The following KLF12 variants were observed in gnomAD, a reference collection of about 807,000 sequenced individuals.
The protein encoded by KLF12 is Krueppel-like factor 12.
In KLF12, 9 loss-of-function variants were observed where a neutral mutation model predicts 37.8. The ratio of observed to expected loss-of-function variants is 0.24; its 90% CI spans 0.14 to 0.42. The LOEUF (loss-of-function observed/expected upper bound fraction) is 0.42. Ranked by LOEUF, KLF12 falls within the 10% of genes least tolerant of loss-of-function variation. The pLI, the probability that KLF12 is intolerant of heterozygous loss-of-function variation, is 1.00. For missense variants in KLF12, 411 were observed against 516.0 expected (o/e 0.80, Z 1.97); for synonymous variants, 208 against 202.1 (o/e 1.03, Z -0.25).
rs149810150 is a variant in KLF12 at position 73,755,507 on chromosome 13, C to T, written c.869+9431G>A. Reference sequence around the variant, plus strand: ...CTGAAGGAAATTATAGCCTTGTTTACCCAATGCTGGGCATGTCAATGAATG... The same window carrying T: ...CTGAAGGAAATTATAGCCTTGTTTATCCAATGCTGGGCATGTCAATGAATG... On this transcript the variant is annotated intron_variant, in intron 6 of 7. Transcript: ENST00000377669. Among the ~76,000 whole-genome samples, 484 of 152,270 alleles carry T rather than the reference C, an allele frequency of 3.2e-3. 11 individuals carry two copies. The highest frequency in any genetic ancestry group is 9.8e-4 in the Non-Finnish European group (67 of 68,036).
the KLF12 span, chr13:74,258,613 T>G: frequency 6.6e-6 from 1 of 152,212 alleles, no homozygotes; most frequent in East Asian, 1.9e-4. Flanking sequence ...GTACATTTAG[T>G]GGATAAACAG....
chr13:74,089,974 G>C (rs1482499780), intron 1 of KLF12, among the ~76,000 whole-genome samples: 1 of 151,800 alleles, frequency 6.6e-6, no homozygotes, highest in Non-Finnish European at 1.5e-5. Context: ...AGAAATAAAA[G>C]GCATCCAGAT....
At chr13:73,952,724 C>T (rs894256755) in intron 2 of KLF12, among the ~76,000 whole-genome samples, 2 of 152,184 alleles carry the variant, frequency 1.3e-5, no homozygotes, top group Admixed American at 1.3e-4. Flanking sequence ...AGTGTATGGG[C>T]ATCACATAAC....
intron 2 of KLF12, among the ~76,000 whole-genome samples, chr13:73,988,276 A>G (rs1593809580): frequency 6.6e-6 from 1 of 152,236 alleles, no homozygotes; most frequent in East Asian, 1.9e-4. Flanking sequence ...TGGCAACTCA[A>G]GGTCTAGCTC....
the KLF12 span, among the ~76,000 whole-genome samples, chr13:74,227,852 T>C: frequency 6.6e-6 from 1 of 152,052 alleles, no homozygotes; most frequent in African/African-American, 2.4e-5. Flanking sequence ...CCAAATGAGG[T>C]TTTGGGTTGA....
At chr13:74,113,377 G>A (rs546132080) in intron 1 of KLF12, among the ~76,000 whole-genome samples, 49 of 152,354 alleles carry the variant, frequency 3.2e-4, no homozygotes, top group Middle Eastern at 3.4e-3. Flanking sequence ...AGAAGTCAAT[G>A]ACTGGCTTTA....
chr13:74,012,908 G>A lies in KLF12; in HGVS notation c.-31-17855C>T, dbSNP rs571180791. 5.3e-5 allele frequency among the ~76,000 whole-genome samples: 8 copies of A among 152,154 alleles called. No individual in the cohort carries two copies. In the South Asian group the frequency reaches 1.5e-3, roughly 28 times the overall value. On this transcript the variant is annotated intron_variant, in intron 1 of 7. Coordinates refer to ENST00000377669, the MANE Select transcript of KLF12 (RefSeq NM_007249.5). ...TATATGACCTCTACTAACTATCCCT[G>A]CCTTACTTCGATAGAGCCCGTTATG...
At chr13:73,789,828 C>T (rs894869193) in intron 5 of KLF12, among the ~76,000 whole-genome samples, 14 of 152,234 alleles carry the variant, frequency 9.2e-5, no homozygotes, top group Admixed American at 6.5e-4. Flanking sequence ...AGGCGTCCGC[C>T]ACTACGCCCG....
intron 1 of KLF12, among the ~76,000 whole-genome samples, chr13:74,087,407 A>AG (rs897712179): frequency 1.3e-5 from 2 of 151,698 alleles, no homozygotes; most frequent in African/African-American, 4.8e-5. Context: ...CTAAGAGGAG[A>AG]GGCTCAGTTT....
At chr13:73,890,534 G>C (rs1887454420) in intron 3 of KLF12, among the ~76,000 whole-genome samples, 1 of 151,866 alleles carries the variant, frequency 6.6e-6, no homozygotes, top group Admixed American at 6.6e-5. Context: ...TAATTTTCTA[G>C]TGAAAGCTTT....
At chr13:74,100,979 G>C (rs990180377) in intron 1 of KLF12, among the ~76,000 whole-genome samples, 2 of 152,244 alleles carry the variant, frequency 1.3e-5, no homozygotes, top group Non-Finnish European at 2.9e-5. Flanking sequence ...ATCAACCAGG[G>C]AAAATTAATC....
At chr13:74,075,779 A>G (rs748919820) in intron 1 of KLF12, among the ~76,000 whole-genome samples, 2 of 152,222 alleles carry the variant, frequency 1.3e-5, no homozygotes, top group Non-Finnish European at 2.9e-5. Flanking sequence ...CACTGATATA[A>G]CAACAACAAA....
chr13:74,200,389 ATGAGTG>A, the KLF12 span, among the ~76,000 whole-genome samples: 1 of 152,176 alleles, frequency 6.6e-6, no homozygotes, highest in African/African-American at 2.4e-5. Flanking sequence ...AGCATGAAGC[ATGAGTG>A]TGTTAAGCAA....
At chr13:74,087,028 C>T (rs1405936897) in intron 1 of KLF12, among the ~76,000 whole-genome samples, 1 of 152,136 alleles carries the variant, frequency 6.6e-6, no homozygotes, top group African/African-American at 2.4e-5. Context: ...AATATATCCA[C>T]ATATAAGTGG....
chr13:73,917,746 C>T (rs951355779), intron 3 of KLF12, among the ~76,000 whole-genome samples: 3 of 152,158 alleles, frequency 2.0e-5, no homozygotes, highest in Non-Finnish European at 4.4e-5. Flanking sequence ...CTACAAGTAT[C>T]CTGCTTTGAG....
the KLF12 span, among the ~76,000 whole-genome samples, chr13:74,155,615 G>T: frequency 5.1e-4 from 78 of 152,046 alleles, no homozygotes; most frequent in African/African-American, 1.9e-3. Flanking sequence ...CACCCATCTC[G>T]GTCTCCCAAA....
chr13:73,977,035 A>G (rs934123926), intron 2 of KLF12, among the ~76,000 whole-genome samples: 1 of 151,850 alleles, frequency 6.6e-6, no homozygotes, highest in African/African-American at 2.4e-5. Flanking sequence ...GATGTATACA[A>G]TAAGAAGACA....
At chr13:74,167,053 G>C in the KLF12 span, among the ~76,000 whole-genome samples, 1 of 152,200 alleles carries the variant, frequency 6.6e-6, no homozygotes, top group Admixed American at 6.5e-5. Context: ...GCTATGTATT[G>C]ATCCTTCTCT....
the KLF12 span, among the ~76,000 whole-genome samples, chr13:74,178,707 G>A: frequency 6.6e-6 from 1 of 152,096 alleles, no homozygotes; most frequent in Non-Finnish European, 1.5e-5. Flanking sequence ...CTTAGTTCTT[G>A]GAGACACAAT....
Sources: gnomAD v4.1 joint callset for allele counts (sites outside exome capture counted in the v4.1 genomes callset) on GRCh38, gnomAD v4.1.1 for gene constraint, MANE v1.5 for transcripts, NCBI Gene and HGNC (gene_info 2026-07-23, HGNC 2026-07-21) for gene names.